Variants in RPGRIP1 observed in about 807,000 individuals in gnomAD.
RPGRIP1 encodes the protein RPGR interacting protein 1.
In RPGRIP1, 128 loss-of-function variants were observed where a neutral mutation model predicts 157.9. That is an observed-to-expected ratio of 0.81 (90% confidence interval 0.70 to 0.94). The LOEUF is 0.94. Among genes scored for constraint, RPGRIP1 ranks in the 40% least tolerant of loss-of-function variants. The probability of loss-of-function intolerance (pLI) is 0.00; values close to 1 mark genes in which losing one functional copy is unlikely to be tolerated. For synonymous variants in RPGRIP1, 554 were observed against 571.6 expected, an observed-to-expected ratio of 0.97 and a Z score of 0.44; for missense variants, 1,486 against 1,545.8, an observed-to-expected ratio of 0.96 and a Z score of 0.65.
At chr14:21,297,128 G>A (rs1880819130) in intron 3 of RPGRIP1, among the ~76,000 whole-genome samples, 1 of 152,002 alleles carries the variant, frequency 6.6e-6, no homozygotes, top group Non-Finnish European at 1.5e-5. Context: ...GAGTCCTGCT[G>A]TGTCACTCAG....
At chr14:21,285,748 T>C (rs1344560476) in intron 1 of RPGRIP1, among the ~76,000 whole-genome samples, 1 of 151,910 alleles carries the variant, frequency 6.6e-6, no homozygotes, top group Non-Finnish European at 1.5e-5. Flanking sequence ...AGGTTGGGCT[T>C]TACAGGCCCT....
intron 1 of RPGRIP1, among the ~76,000 whole-genome samples, chr14:21,287,283 G>A (rs768820719): frequency 2.2e-4 from 33 of 151,928 alleles, no homozygotes; most frequent in South Asian, 6.2e-4. Flanking sequence ...CTGTAATCCC[G>A]GCTAGACTGG....
chr14:21,314,208 G>T (rs572076741), intron 10 of RPGRIP1, among the ~76,000 whole-genome samples: 1 of 151,458 alleles, frequency 6.6e-6, no homozygotes, highest in Admixed American at 6.6e-5. Flanking sequence ...TCAGCCTCCC[G>T]AGTAGCTGGG....
At chr14:21,338,270 A>G (rs1029985909) in intron 21 of RPGRIP1, among the ~76,000 whole-genome samples, 5 of 152,152 alleles carry the variant, frequency 3.3e-5, no homozygotes, top group African/African-American at 7.2e-5. Flanking sequence ...CATTTGCTCT[A>G]TGGTCCCAGA....
chr14:21,341,944 G>A lies in RPGRIP1; in HGVS notation c.3340-1092G>A, dbSNP rs1045884035. On this transcript the variant is annotated intron_variant, in intron 21 of 24. Coordinates refer to ENST00000400017, the MANE Select transcript of RPGRIP1 (RefSeq NM_020366.4). ...GGGTGCCTGTAGTCCCAGCTACTCG[G>A]GAGGCTGAGGCAGGAGAATGGCGGG... Among the ~76,000 whole-genome samples the A allele has an allele frequency of 4.6e-5, 7 of 152,150 alleles. No individual in the cohort carries two copies. The East Asian group carries it at 1.4e-3, about 29-fold the overall frequency.
At chr14:21,299,475 T>C (rs1880934542) in intron 3 of RPGRIP1, among the ~76,000 whole-genome samples, 1 of 152,134 alleles carries the variant, frequency 6.6e-6, no homozygotes, top group African/African-American at 2.4e-5. Flanking sequence ...GCAAGTTACA[T>C]AGCTATTTTA....
chr14:21,325,476 T>C, intron 16 of RPGRIP1, 93 bp downstream of exon 16: 2 of 1,227,278 alleles, frequency 1.6e-6, no homozygotes, highest in Non-Finnish European at 1.1e-6. Flanking sequence ...TAAGTGTTTG[T>C]TGAATGTGAA....
chr14:21,342,049 CAAA>C (rs769694278), intron 21 of RPGRIP1, among the ~76,000 whole-genome samples: 2 of 113,098 alleles, frequency 1.8e-5, no homozygotes, highest in Non-Finnish European at 1.9e-5. Context: ...GACACTGTCT[CAAA>C]AAAAAAAAAA....
intron 20 of RPGRIP1, among the ~76,000 whole-genome samples, chr14:21,332,322 G>T (rs937977814): frequency 1.2e-4 from 19 of 152,018 alleles, no homozygotes; most frequent in African/African-American, 4.3e-4. Context: ...CTCATGAGAA[G>T]GATAATTTTT....
At chr14:21,293,336 G>A (rs1178979431) in intron 2 of RPGRIP1, among the ~76,000 whole-genome samples, 1 of 152,056 alleles carries the variant, frequency 6.6e-6, no homozygotes, top group African/African-American at 2.4e-5. Context: ...AAAAACAAAC[G>A]AGATGGTTCT....
chr14:21,346,397 A>G (rs1885575289), intron 23 of RPGRIP1, among the ~76,000 whole-genome samples: 2 of 152,078 alleles, frequency 1.3e-5, no homozygotes, highest in East Asian at 1.9e-4. Flanking sequence ...TAAAAACACA[A>G]AAAAATCAGC....
At chr14:21,295,015 G>A (rs1308703652) in intron 3 of RPGRIP1, among the ~76,000 whole-genome samples, 1 of 151,232 alleles carries the variant, frequency 6.6e-6, no homozygotes, top group African/African-American at 2.4e-5. Flanking sequence ...AGCTAATTTA[G>A]TATTTTTAAG....
In RPGRIP1 at chr14:21,344,938, TCA is replaced by T. The variant is rs138358355; in HGVS notation, c.3533-158_3533-157del. ...TCTAGCCTGACACAGTAAGAATCTG[TCA>T]CACACACACACACACAAATGATTTT... On this transcript the variant is annotated intron_variant, in intron 22 of 24. Coordinates refer to ENST00000400017, the MANE Select transcript of RPGRIP1 (RefSeq NM_020366.4). 2.7e-5 allele frequency among the ~76,000 whole-genome samples: 4 copies of T among 150,674 alleles called. No homozygotes were observed. The South Asian group carries it at 8.4e-4, about 32-fold the overall frequency.
chr14:21,321,704 G>T, intron 13 of RPGRIP1, 150 bp from the exon 14 acceptor site: 1 of 891,708 alleles, frequency 1.1e-6, no homozygotes, highest in Admixed American at 2.9e-5. Flanking sequence ...TAGTCTTGGA[G>T]GGGTCTGCAA....
chr14:21,324,440 G>C, intron 14 of RPGRIP1, 178 bp from the exon 15 acceptor site: 1 of 637,016 alleles, frequency 1.6e-6, no homozygotes, highest in East Asian at 2.7e-5. Flanking sequence ...TTTGGCTATC[G>C]GAATTCAATG....
intron 1 of RPGRIP1, among the ~76,000 whole-genome samples, chr14:21,286,357 C>T (rs934321464): frequency 1.3e-5 from 2 of 151,626 alleles, no homozygotes; most frequent in Admixed American, 1.3e-4. Context: ...GGAATCAAAG[C>T]TGCAGGATTG....
At chr14:21,281,460 G>A (rs983848096) in intron 1 of RPGRIP1, among the ~76,000 whole-genome samples, 6 of 151,794 alleles carry the variant, frequency 4.0e-5, no homozygotes, top group Admixed American at 6.6e-5. Context: ...AGGCTGAGGC[G>A]GGTGGATCAC....
At chr14:21,293,106 A>G (rs1880605592) in intron 2 of RPGRIP1, among the ~76,000 whole-genome samples, 1 of 152,148 alleles carries the variant, frequency 6.6e-6, no homozygotes, top group African/African-American at 2.4e-5. Context: ...AGATCGCACC[A>G]TTGCACTCCA....
chr14:21,341,159 T>C (rs754055513), intron 21 of RPGRIP1, among the ~76,000 whole-genome samples: 2 of 152,026 alleles, frequency 1.3e-5, no homozygotes, highest in Non-Finnish European at 2.9e-5. Flanking sequence ...GCCTCCCGAG[T>C]AGCTGGGATT....
Sources: allele counts gnomAD v4.1 joint callset (sites outside exome capture counted in the v4.1 genomes callset), GRCh38; gene constraint gnomAD v4.1.1; transcripts MANE v1.5; gene names NCBI Gene and HGNC (gene_info 2026-07-23, HGNC 2026-07-21).